Variants in PTGR1 observed in about 807,000 individuals in gnomAD.
The protein encoded by PTGR1 is 15-oxoprostaglandin 13-reductase.
A neutral mutation model predicts 37.7 loss-of-function variants in PTGR1; 23 were observed. The ratio of observed to expected loss-of-function variants is 0.61; its 90% CI spans 0.44 to 0.86. The LOEUF (loss-of-function observed/expected upper bound fraction) is 0.86, where lower values mean the gene tolerates loss of function less well. PTGR1 is among the 40% of genes least tolerant of loss of function. The probability of loss-of-function intolerance (pLI) is 0.00; values close to 1 mark genes in which losing one functional copy is unlikely to be tolerated. For missense variants in PTGR1, 351 were observed against 394.3 expected (o/e 0.89, Z 0.93); for synonymous variants, 134 against 140.0 (o/e 0.96, Z 0.30).
chr9:111,597,318 T>A lies in PTGR1; in HGVS notation c.105A>T (p.Gly35=). 2.5e-6 allele frequency: 4 copies of A among 1,599,332 alleles called. No homozygotes were observed. Among genetic ancestry groups the A allele is most frequent in the Admixed American group, 1.7e-5 (1 of 59,812 alleles). The change falls in exon 2 of 10, where the codon GGA becomes GGT. Residue 35 remains glycine (G), a splice_region_variant and synonymous_variant. Coordinates refer to ENST00000407693, the MANE Select transcript of PTGR1 (RefSeq NM_001146108.2). Reference sequence around the variant, plus strand: ...TGAAATATTTTTAGTATGACTTACCTCCATTTTTTAAGGGTGGGAGCTCAG... The same window carrying A: ...TGAAATATTTTTAGTATGACTTACCACCATTTTTTAAGGGTGGGAGCTCAG... ...KTAELPPLKN[G]EVLLEALFLT...
intron 7 of PTGR1, chr9:111,577,933 A>G (rs1829128953): frequency 6.6e-6 from 1 of 152,222 alleles, no homozygotes; most frequent in Non-Finnish European, 1.5e-5. Flanking sequence ...GATGCCAGTC[A>G]TAAGAGACCA....
At chr9:111,564,220 CAA>C in intron 9 of PTGR1, 1 of 1,079,366 alleles carries the variant, frequency 9.3e-7, no homozygotes, top group Non-Finnish European at 1.1e-6. Flanking sequence ...GATTTATAGA[CAA>C]GATTATTTGC....
chr9:111,571,656 T>TTTTGTTTGTTTG (rs112914784), intron 8 of PTGR1, among the ~76,000 whole-genome samples: 7 of 151,276 alleles, frequency 4.6e-5, no homozygotes, highest in Admixed American at 2.0e-4. Flanking sequence ...TTTTTTTAGT[T>TTTTGTTTGTTTG]TTTGTTTGTT....
chr9:111,595,490 T>C (rs991499259), intron 2 of PTGR1, among the ~76,000 whole-genome samples: 2 of 152,204 alleles, frequency 1.3e-5, no homozygotes, highest in African/African-American at 2.4e-5. Flanking sequence ...GGAGTGACTC[T>C]CATGTATTCA....
chr9:111,572,514 G>A (rs566965599), intron 8 of PTGR1, among the ~76,000 whole-genome samples: 6 of 152,056 alleles, frequency 3.9e-5, no homozygotes, highest in South Asian at 2.1e-4. Flanking sequence ...CGCTTGAACC[G>A]GGGAGGCAGA....
At chr9:111,568,861 G>T (rs751482105) in intron 9 of PTGR1, among the ~76,000 whole-genome samples, 1 of 152,324 alleles carries the variant, frequency 6.6e-6, no homozygotes, top group East Asian at 1.9e-4. Flanking sequence ...AAGGCATGGT[G>T]CCTGGACCAG....
At chr9:111,573,265 G>A (rs1556027) in intron 8 of PTGR1, among the ~76,000 whole-genome samples, 3,724 of 151,968 alleles carry the variant, frequency 0.025, 76 homozygotes, top group Admixed American at 0.046. Context: ...CTTAGCACCA[G>A]TTAGAAAATT....
chr9:111,558,017 C>T (rs940035304), downstream of PTGR1, among the ~76,000 whole-genome samples: 8 of 151,940 alleles, frequency 5.3e-5, no homozygotes, highest in Admixed American at 6.6e-5. Flanking sequence ...CATGGTGGTG[C>T]GCGCCTGTAG....
At chr9:111,587,111 A>G (rs1464504958) in intron 4 of PTGR1, among the ~76,000 whole-genome samples, 1 of 152,016 alleles carries the variant, frequency 6.6e-6, no homozygotes, top group Non-Finnish European at 1.5e-5. Context: ...CACTGCGCCC[A>G]GCCTACCCTT....
downstream of PTGR1, among the ~76,000 whole-genome samples, chr9:111,558,245 A>G: frequency 6.6e-6 from 1 of 152,370 alleles, no homozygotes; most frequent in East Asian, 1.9e-4. Context: ...TTTTAATTCA[A>G]TAGTATATAA....
At position 111,574,843 on chromosome 9, in the gene PTGR1, C is replaced by G. The variant is rs35281132; in HGVS notation, c.652-1G>C. ...CAGTGTTTGAAAACTCTCCACCTAC[C>G]TAAACAGATAGCAAAGACAAAATGT... On this transcript the variant is annotated splice_acceptor_variant, in intron 7 of 9. Coordinates refer to ENST00000407693, the MANE Select transcript of PTGR1 (RefSeq NM_001146108.2). LOFTEE classifies it high-confidence loss of function. The G allele has an allele frequency of 8.1e-6, 13 of 1,605,390 alleles. No homozygotes were observed. The highest frequency in any genetic ancestry group is 9.4e-6 in the Non-Finnish European group (11 of 1,174,212).
chr9:111,549,888 C>T, intron 9 of PTGR1: 1 of 785,216 alleles, frequency 1.3e-6, no homozygotes, highest in Non-Finnish European at 2.1e-6. Flanking sequence ...TTTGGTCTTC[C>T]TCATGTCCAT....
At chr9:111,560,576 G>A (rs1416276362), downstream of PTGR1, among the ~76,000 whole-genome samples, 1 of 144,214 alleles carries the variant, frequency 6.9e-6, no homozygotes, top group African/African-American at 2.6e-5. Context: ...GGGAGGCGGA[G>A]GTTGCAGTGA....
At position 111,564,969 on chromosome 9, in the gene PTGR1, C is replaced by T. The variant is rs181072461; in HGVS notation, c.880-1738G>A. 1.0e-3 allele frequency among the ~76,000 whole-genome samples: 155 copies of T among 151,854 alleles called. 1 individual carries two copies. The East Asian group carries it at 0.011, about 11-fold the overall frequency. On this transcript the variant is annotated intron_variant, in intron 9 of 9. Coordinates refer to ENST00000407693, the MANE Select transcript of PTGR1 (RefSeq NM_001146108.2). The stretch of plus-strand genomic sequence containing the variant: ...TGAAACCCTGTCTCTACTAAAAATA[C>T]GAAAATTAGCCAGGCGTGGTGGCGT...
intron 9 of PTGR1, 89 bp from the exon 10 acceptor site, chr9:111,563,320 C>T: frequency 7.7e-7 from 1 of 1,291,162 alleles, no homozygotes; most frequent in Non-Finnish European, 1.0e-6. Context: ...TTATCAGGTA[C>T]ATCATTGGAA....
At chr9:111,551,394 G>GTTTTTTTTTTTT (rs1318646819) in intron 9 of PTGR1, among the ~76,000 whole-genome samples, 1 of 115,498 alleles carries the variant, frequency 8.7e-6, no homozygotes. Context: ...CAAGTATCCA[G>GTTTTTTTTTTTT]TTTTTGTTTT....
chr9:111,554,134 C>A (rs1828051719), intron 9 of PTGR1, among the ~76,000 whole-genome samples: 1 of 152,190 alleles, frequency 6.6e-6, no homozygotes, highest in South Asian at 2.1e-4. Flanking sequence ...TGGAGATTAT[C>A]ACAACTACAA....
chr9:111,594,103 T>A, intron 3 of PTGR1, 119 bp downstream of exon 3: 1 of 1,079,262 alleles, frequency 9.3e-7, no homozygotes. Flanking sequence ...TGATACTGGC[T>A]GGGAGAAACA....
chr9:111,574,561 A>G (rs1828972202), intron 8 of PTGR1, among the ~76,000 whole-genome samples, 173 bp downstream of exon 8: 1 of 151,236 alleles, frequency 6.6e-6, no homozygotes, highest in Non-Finnish European at 1.5e-5. Context: ...GTTGCCCAGG[A>G]TGGTCTCAAA....
Sources: allele counts gnomAD v4.1 joint callset (sites outside exome capture counted in the v4.1 genomes callset), GRCh38; gene constraint gnomAD v4.1.1; transcripts MANE v1.5; gene names NCBI Gene and HGNC (gene_info 2026-07-23, HGNC 2026-07-21).